The following CSNK2A1 variants were observed in gnomAD, a reference collection of about 807,000 sequenced individuals.
The protein encoded by CSNK2A1 is casein kinase II subunit alpha.
CSNK2A1 carries 10 observed loss-of-function variants against 62.9 expected under a neutral mutation model. The observed-to-expected ratio is 0.16, with a 90% CI of 0.10 to 0.27. The LOEUF is 0.27. CSNK2A1 is among the 10% of genes least tolerant of loss of function. The pLI, the probability that CSNK2A1 is intolerant of heterozygous loss-of-function variation, is 1.00. For missense variants in CSNK2A1, 160 were observed against 492.0 expected (o/e 0.33, Z 6.38); for synonymous variants, 124 against 167.8 (o/e 0.74, Z 2.02).
intron 2 of CSNK2A1, among the ~76,000 whole-genome samples, chr20:524,474 G>A (rs2019027148): frequency 6.7e-6 from 1 of 149,094 alleles, no homozygotes; most frequent in Non-Finnish European, 1.5e-5. Context: ...GATACATCTA[G>A]GCCAGGTGTG....
At position 499,872 on chromosome 20, in the gene CSNK2A1, G is replaced by A. The variant is rs1188874432; in HGVS notation, c.276C>T (p.Pro92=). 6.2e-6 allele frequency: 10 copies of A among 1,613,578 alleles called. No individual in the cohort carries two copies. Among genetic ancestry groups the A allele is most frequent in the Non-Finnish European group, 8.5e-6 (10 of 1,179,980 alleles). The change falls in exon 5 of 14, where the codon CCC becomes CCT. Residue 92 remains proline, a synonymous_variant. Coordinates refer to ENST00000217244, the MANE Select transcript of CSNK2A1 (RefSeq NM_177559.3). This position sits in a 1 kb window ranked among gnomAD's most constrained non-coding sequence, Gnocchi z 4.2. ...IKILENLRGG[P]NIITLADIVK... Reference sequence around the variant, plus strand: ...CAATGTCTGCCAGTGTGATGATGTTGGGACCTCCTCTCAAATTCTCCAAAA... The same window carrying A: ...CAATGTCTGCCAGTGTGATGATGTTAGGACCTCCTCTCAAATTCTCCAAAA...
In CSNK2A1 at chr20:483,777, A is replaced by G; in HGVS notation, c.*184T>C. The G allele has an allele frequency of 2.4e-6, 1 of 414,362 alleles. No individual in the cohort carries two copies. The allele number at this position is 414,362 out of a possible 1,614,324, so 25.7% of individuals were successfully genotyped here. A position where few individuals can be genotyped will look rare whatever the true frequency, so the allele number is the denominator to read the frequency against. On this transcript the variant is annotated 3_prime_UTR_variant, in exon 14 of 14. Transcript: ENST00000217244. ...ATGAAAAGTTCGAGTTAAAAAAAAA[A>G]AGAAAAAAGAAAATCAGCCTATTAT...
In CSNK2A1 at chr20:481,899, T is replaced by C. The variant is rs1398502112; in HGVS notation, c.*2062A>G. ...ATTCAACATGGTAACCCTCACAGCATTCTAGGGCATAAAAGGGTCAAGTAC... is the reference window on the plus strand; with the variant it reads ...ATTCAACATGGTAACCCTCACAGCACTCTAGGGCATAAAAGGGTCAAGTAC... On this transcript the variant is annotated 3_prime_UTR_variant, in exon 14 of 14. Coordinates refer to ENST00000217244, the MANE Select transcript of CSNK2A1 (RefSeq NM_177559.3). 2.0e-5 allele frequency: 3 copies of C among 152,206 alleles called. No individual in the cohort carries two copies. Among genetic ancestry groups the C allele is most frequent in the Non-Finnish European group, 4.4e-5 (3 of 68,034 alleles). The allele number at this position is 152,206 out of a possible 1,614,324, so 9.4% of individuals were successfully genotyped here.
intron 2 of CSNK2A1, among the ~76,000 whole-genome samples, chr20:512,483 T>C (rs1307685879): frequency 6.6e-6 from 1 of 152,202 alleles, no homozygotes; most frequent in East Asian, 1.9e-4. Context: ...GTAACTTAGC[T>C]ACCACACCCA....
At chr20:537,885 T>C (rs1308719026) in intron 1 of CSNK2A1, among the ~76,000 whole-genome samples, 1 of 152,218 alleles carries the variant, frequency 6.6e-6, no homozygotes, top group Non-Finnish European at 1.5e-5. Flanking sequence ...TGGTTTTCAG[T>C]TTCTGAACTT....
rs775407457 is a variant in CSNK2A1, at chr20:475,020, G to A, written c.*8941C>T. On this transcript the variant is annotated 3_prime_UTR_variant, in exon 14 of 14. Coordinates refer to ENST00000217244, the MANE Select transcript of CSNK2A1 (RefSeq NM_177559.3). ...GGAGAGTTTAACAAATAATTATAGA[G>A]CAAATACAACATTTAGGTACCACCC... The A allele has an allele frequency of 6.6e-6, 1 of 152,140 alleles. No homozygotes were observed. Among genetic ancestry groups the A allele is most frequent in the African/African-American group, 2.4e-5 (1 of 41,422 alleles). 9.4% of individuals were successfully genotyped at this position (152,140 alleles called of 1,614,324 possible).
At chr20:539,500 T>C (rs528200781) in intron 1 of CSNK2A1, 1 of 152,330 alleles carries the variant, frequency 6.6e-6, no homozygotes, top group South Asian at 2.1e-4. Flanking sequence ...CTGCCTCATC[T>C]CTGACACCAG....
At chr20:533,980 C>T (rs1262683322) in intron 1 of CSNK2A1, among the ~76,000 whole-genome samples, 1 of 152,230 alleles carries the variant, frequency 6.6e-6, no homozygotes, top group East Asian at 1.9e-4. Context: ...TGAAACTTTA[C>T]TCCACTGGCT....
intron 1 of CSNK2A1, among the ~76,000 whole-genome samples, chr20:535,913 C>G (rs1235073028): frequency 1.3e-5 from 2 of 152,032 alleles, no homozygotes; most frequent in Non-Finnish European, 2.9e-5. Context: ...CAAACATATC[C>G]CTAACACACA....
intron 1 of CSNK2A1, among the ~76,000 whole-genome samples, chr20:535,718 C>T (rs545624483): frequency 1.4e-5 from 2 of 141,602 alleles, no homozygotes; most frequent in African/African-American, 5.3e-5. Context: ...CCAGCTTGGG[C>T]GACAGAGCAA....
At chr20:511,896 T>C (rs1286448349) in intron 2 of CSNK2A1, among the ~76,000 whole-genome samples, 1 of 152,186 alleles carries the variant, frequency 6.6e-6, no homozygotes, top group Non-Finnish European at 1.5e-5. Flanking sequence ...CTGAACCATG[T>C]AGTAATTCTA....
At chr20:493,759 A>G (rs1350204000) in intron 8 of CSNK2A1, among the ~76,000 whole-genome samples, 2 of 152,186 alleles carry the variant, frequency 1.3e-5, no homozygotes, top group Admixed American at 6.5e-5. Context: ...ATCACCACAC[A>G]CATGTCCTGT....
At chr20:518,012 C>G (rs2018863470) in intron 2 of CSNK2A1, among the ~76,000 whole-genome samples, 1 of 152,202 alleles carries the variant, frequency 6.6e-6, no homozygotes, top group East Asian at 1.9e-4. Context: ...GTTGCCCAAG[C>G]TGGAGTGCAG....
At chr20:537,640 G>A (rs749869895) in intron 1 of CSNK2A1, among the ~76,000 whole-genome samples, 1 of 152,114 alleles carries the variant, frequency 6.6e-6, no homozygotes, top group South Asian at 2.1e-4. Context: ...TGAAAAGCTG[G>A]CTGGCCTAGA....
intron 10 of CSNK2A1, chr20:488,992 A>T: frequency 2.3e-6 from 1 of 427,866 alleles, no homozygotes; most frequent in Non-Finnish European, 4.2e-6. Flanking sequence ...CACCCTGGTG[A>T]ACCCTTATTT....
chr20:490,995 A>C (rs2018222346), intron 9 of CSNK2A1, among the ~76,000 whole-genome samples: 1 of 151,544 alleles, frequency 6.6e-6, no homozygotes, highest in Non-Finnish European at 1.5e-5. Context: ...TCAATCTTTA[A>C]TTTTCCTATA....
chr20:501,940 A>C (rs1286255747), intron 4 of CSNK2A1: 1 of 152,216 alleles, frequency 6.6e-6, no homozygotes. Flanking sequence ...AAACTACCAA[A>C]TAATACTATA....
intron 13 of CSNK2A1, among the ~76,000 whole-genome samples, chr20:484,616 GA>G (rs1232190544): frequency 1.3e-5 from 2 of 152,130 alleles, no homozygotes; most frequent in African/African-American, 4.8e-5. Flanking sequence ...TTTGAATGGG[GA>G]AAGAGCATTT....
chr20:495,851 A>G (rs1218913379), intron 7 of CSNK2A1, 49 bp from the exon 8 acceptor site: 1 of 1,509,794 alleles, frequency 6.6e-7, no homozygotes, highest in African/African-American at 1.4e-5. Flanking sequence ...AATACGTAAG[A>G]GTCCTTTACT....
Sources: gnomAD v4.1 joint callset for allele counts (sites outside exome capture counted in the v4.1 genomes callset) on GRCh38, gnomAD v4.1.1 for gene constraint, Gnocchi (gnomAD v3.1) non-coding constraint, MANE v1.5 for transcripts, NCBI Gene and HGNC (gene_info 2026-07-23, HGNC 2026-07-21) for gene names.